The following COL22A1 variants were observed in gnomAD, a reference collection of about 807,000 sequenced individuals.
The protein encoded by COL22A1 is collagen alpha-1(XXII) chain.
A neutral mutation model predicts 248.9 loss-of-function variants in COL22A1; 221 were observed. The observed-to-expected ratio is 0.89, with a 90% CI of 0.80 to 0.99. The LOEUF (loss-of-function observed/expected upper bound fraction) is 0.99. Ranked by LOEUF, COL22A1 falls within the 50% of genes least tolerant of loss-of-function variation. COL22A1 has a pLI of 0.00. For synonymous variants in COL22A1, 891 were observed against 793.4 expected, an observed-to-expected ratio of 1.12 and a Z score of -2.07; for missense variants, 2,240 against 2,179.0, an observed-to-expected ratio of 1.03 and a Z score of -0.56.
chr8:138,626,773 T>C (rs1387126321), intron 50 of COL22A1, among the ~76,000 whole-genome samples: 2 of 152,252 alleles, frequency 1.3e-5, no homozygotes, highest in African/African-American at 2.4e-5. Context: ...ATTGCTTTAC[T>C]ATCTCTTTCC....
At chr8:138,781,428 ATCC>A (rs1402714287) in intron 12 of COL22A1, among the ~76,000 whole-genome samples, 6 of 152,196 alleles carry the variant, frequency 3.9e-5, no homozygotes, top group African/African-American at 1.4e-4. Flanking sequence ...GCTCGGCTGC[ATCC>A]CTAGATGCCA....
At chr8:138,900,171 G>T (rs1814437518) in intron 1 of COL22A1, among the ~76,000 whole-genome samples, 1 of 152,232 alleles carries the variant, frequency 6.6e-6, no homozygotes, top group African/African-American at 2.4e-5. Flanking sequence ...AGGCCATTAT[G>T]ATCCTAGATT....
At chr8:138,730,061 AAAGG>A (rs2131205189) in intron 23 of COL22A1, among the ~76,000 whole-genome samples, 1 of 152,322 alleles carries the variant, frequency 6.6e-6, no homozygotes, top group South Asian at 2.1e-4. Flanking sequence ...CACTCCCCCA[AAAGG>A]AAGGGAGAAA....
intron 32 of COL22A1, among the ~76,000 whole-genome samples, chr8:138,699,290 C>T (rs576223812): frequency 8.8e-6 from 1 of 113,632 alleles, no homozygotes; most frequent in Non-Finnish European, 2.0e-5. Context: ...TACCTGCTTC[C>T]TTCTTTTGCA....
intron 22 of COL22A1, among the ~76,000 whole-genome samples, chr8:138,747,651 C>T (rs997219456): frequency 2.6e-5 from 4 of 152,202 alleles, no homozygotes; most frequent in Non-Finnish European, 4.4e-5. Context: ...TGCTTACATG[C>T]TATTTCATGT....
chr8:138,888,191 C>A (rs1003202375), intron 1 of COL22A1, among the ~76,000 whole-genome samples: 3 of 152,136 alleles, frequency 2.0e-5, no homozygotes, highest in Admixed American at 2.0e-4. Flanking sequence ...ACTGAGCCTA[C>A]CCTGCACAGG....
At chr8:138,652,881 G>A (rs779236834) in intron 45 of COL22A1, among the ~76,000 whole-genome samples, 4 of 150,800 alleles carry the variant, frequency 2.7e-5, no homozygotes, top group Non-Finnish European at 5.9e-5. Context: ...CAAGCAGCTG[G>A]GAATACAGGC....
intron 63 of COL22A1, among the ~76,000 whole-genome samples, chr8:138,593,448 T>A (rs1817260544): frequency 6.6e-6 from 1 of 152,090 alleles, no homozygotes; most frequent in Non-Finnish European, 1.5e-5. Flanking sequence ...TAATCCTTCC[T>A]CTCTCTCTCA....
At chr8:138,692,119 T>TA (rs1827046166) in intron 35 of COL22A1, among the ~76,000 whole-genome samples, 1 of 48,562 alleles carries the variant, frequency 2.1e-5, no homozygotes, top group Admixed American at 2.4e-4. Flanking sequence ...GAGGTGTGTG[T>TA]ATGTGTGTAC....
chr8:138,603,457 A>AGATAT (rs1818194338), intron 59 of COL22A1, among the ~76,000 whole-genome samples: 1 of 152,148 alleles, frequency 6.6e-6, no homozygotes, highest in Admixed American at 6.5e-5. Flanking sequence ...GAGAAGGTGG[A>AGATAT]GATATACTGG....
At chr8:138,786,887 G>T (rs1815577086) in intron 12 of COL22A1, among the ~76,000 whole-genome samples, 1 of 152,146 alleles carries the variant, frequency 6.6e-6, no homozygotes, top group Admixed American at 6.5e-5. Context: ...CTGGCAGCCT[G>T]GGCGACAGAG....
chr8:138,895,524 C>T (rs1825344494), intron 1 of COL22A1, among the ~76,000 whole-genome samples: 1 of 151,498 alleles, frequency 6.6e-6, no homozygotes, highest in African/African-American at 2.4e-5. Flanking sequence ...ATTTAGAAAA[C>T]ATAGAGCAGG....
chr8:138,878,195 G>T lies in COL22A1; in HGVS notation c.213C>A (p.Gly71=). 6.3e-7 allele frequency: 1 copy of T among 1,599,316 alleles called. No individual in the cohort carries two copies. The highest frequency in any genetic ancestry group is 8.5e-7 in the Non-Finnish European group (1 of 1,173,680). Reference sequence around the variant, plus strand: ...CGACCCCCACACGGGTGCGGTCGGGGCCCACCTCGAAGGTGTCCACCAGGT... The same window carrying T: ...CGACCCCCACACGGGTGCGGTCGGGTCCCACCTCGAAGGTGTCCACCAGGT... ...VANLVDTFEV[G]PDRTRVGVVR... Residue 71 remains glycine, a synonymous_variant, in exon 3 of 65, where the codon GGC becomes GGA. Transcript: ENST00000303045.
intron 3 of COL22A1, among the ~76,000 whole-genome samples, chr8:138,847,561 T>C (rs1821336092): frequency 6.6e-6 from 1 of 152,162 alleles, no homozygotes; most frequent in African/African-American, 2.4e-5. Context: ...TAGGGATGGA[T>C]GTGTGATTCA....
At chr8:138,664,639 C>T (rs973244511) in intron 41 of COL22A1, among the ~76,000 whole-genome samples, 13 of 152,178 alleles carry the variant, frequency 8.5e-5, no homozygotes, top group African/African-American at 2.9e-4. Flanking sequence ...TTGGTCCACT[C>T]CTCTTCACTG....
At chr8:138,824,966 G>A (rs1819467021) in intron 6 of COL22A1, among the ~76,000 whole-genome samples, 1 of 152,164 alleles carries the variant, frequency 6.6e-6, no homozygotes, top group Admixed American at 6.5e-5. Context: ...GACAGAAGGA[G>A]GGGAAGATGC....
Position 138,838,013 on chromosome 8 carries a change from G to A in COL22A1, c.734-4863C>T, listed in dbSNP as rs1362509150. Among the ~76,000 whole-genome samples the A allele has an allele frequency of 3.9e-5, 6 of 152,230 alleles. No homozygotes were observed. In the East Asian group the frequency reaches 9.7e-4, roughly 25 times the overall value. Reference sequence around the variant, plus strand: ...GGGAGTTCTTGAGGTGGGAGCTGGGGGAGGGGGTCGCTGCTGAAGAAAAGC... The same window carrying A: ...GGGAGTTCTTGAGGTGGGAGCTGGGAGAGGGGGTCGCTGCTGAAGAAAAGC... On this transcript the variant is annotated intron_variant, in intron 4 of 64. Transcript: ENST00000303045.
intron 12 of COL22A1, among the ~76,000 whole-genome samples, chr8:138,783,191 A>C (rs1815188093): frequency 6.6e-6 from 1 of 152,134 alleles, no homozygotes; most frequent in Admixed American, 6.5e-5. Context: ...GAGGGTGGGT[A>C]CTTTGGGGCA....
intron 58 of COL22A1, 75 bp downstream of exon 58, chr8:138,606,306 G>T: frequency 2.3e-6 from 3 of 1,287,024 alleles, no homozygotes; most frequent in South Asian, 1.3e-5. Flanking sequence ...ACAGGAGGTG[G>T]CAGGGAAGGT....
Sources: allele counts gnomAD v4.1 joint callset (sites outside exome capture counted in the v4.1 genomes callset), GRCh38; gene constraint gnomAD v4.1.1; transcripts MANE v1.5; gene names NCBI Gene and HGNC (gene_info 2026-07-23, HGNC 2026-07-21).